ARHGEF3: variants seen among roughly 807,000 people sequenced by gnomAD.
The protein encoded by ARHGEF3 is 59.8 kDA protein.
In ARHGEF3, 28 loss-of-function variants were observed where a neutral mutation model predicts 63.2. The ratio of observed to expected loss-of-function variants is 0.44; its 90% CI spans 0.33 to 0.61. The LOEUF is 0.61. Among genes scored for constraint, ARHGEF3 ranks in the 20% least tolerant of loss-of-function variants. The pLI is 0.03. For synonymous variants in ARHGEF3, 266 were observed against 254.2 expected, an observed-to-expected ratio of 1.05 and a Z score of -0.44; for missense variants, 533 against 659.3, an observed-to-expected ratio of 0.81 and a Z score of 2.10.
At chr3:56,914,296 C>A (rs987664072) in intron 3 of ARHGEF3, among the ~76,000 whole-genome samples, 43 of 152,136 alleles carry the variant, frequency 2.8e-4, no homozygotes, top group African/African-American at 9.7e-4. Context: ...AAAGCAGGGT[C>A]TTAAGAGATA....
At chr3:56,971,076 G>A (rs539954748) in intron 2 of ARHGEF3, among the ~76,000 whole-genome samples, 12 of 152,254 alleles carry the variant, frequency 7.9e-5, no homozygotes, top group East Asian at 1.9e-4. Flanking sequence ...GTTTAGACTC[G>A]CTGCTGTCAC....
chr3:56,779,188 C>A (rs1002699569), intron 1 of ARHGEF3, among the ~76,000 whole-genome samples: 3 of 152,126 alleles, frequency 2.0e-5, no homozygotes, highest in Admixed American at 1.3e-4. Flanking sequence ...GTGAGTAAAC[C>A]CTATTTTATT....
chr3:56,788,761 C>G (rs956616698), intron 1 of ARHGEF3, among the ~76,000 whole-genome samples: 4 of 152,040 alleles, frequency 2.6e-5, no homozygotes, highest in Non-Finnish European at 5.9e-5. Context: ...CTACCCAGAG[C>G]TCACACACCA....
intron 2 of ARHGEF3, among the ~76,000 whole-genome samples, chr3:57,029,830 C>T (rs1353285628): frequency 6.6e-6 from 1 of 152,142 alleles, no homozygotes; most frequent in African/African-American, 2.4e-5. Context: ...GTTTGCAAAC[C>T]TCGGGCTCTT....
chr3:57,061,122 G>A (rs988996149), intron 1 of ARHGEF3, among the ~76,000 whole-genome samples: 3 of 151,926 alleles, frequency 2.0e-5, no homozygotes, highest in Non-Finnish European at 2.9e-5. Context: ...CCCATTCAGC[G>A]GTAACTCCTC....
At chr3:56,827,681 A>C (rs2038772411) in intron 4 of ARHGEF3, among the ~76,000 whole-genome samples, 1 of 146,374 alleles carries the variant, frequency 6.8e-6, no homozygotes, top group South Asian at 2.2e-4. Context: ...TTGGGAGGCC[A>C]AGGTGAGCAA....
chr3:56,942,102 A>G (rs1442426181), intron 3 of ARHGEF3, among the ~76,000 whole-genome samples: 21 of 152,256 alleles, frequency 1.4e-4, no homozygotes, highest in Admixed American at 3.9e-4. Context: ...CTTGCAAAGT[A>G]CTAGGAGCAG....
intron 7 of ARHGEF3, among the ~76,000 whole-genome samples, chr3:56,743,816 C>T (rs1045412859): frequency 6.6e-6 from 1 of 152,142 alleles, no homozygotes; most frequent in East Asian, 1.9e-4. Flanking sequence ...TCTATCCCCA[C>T]TGCCACCTCC....
At chr3:56,941,938 A>G (rs1560069084) in intron 3 of ARHGEF3, among the ~76,000 whole-genome samples, 1 of 152,222 alleles carries the variant, frequency 6.6e-6, no homozygotes, top group African/African-American at 2.4e-5. Flanking sequence ...TGTTGAGAAC[A>G]CAGGCTCTGA....
rs564284357 is a variant in ARHGEF3, at chr3:56,775,500, T to G, written c.97-1684A>C. The G allele has an allele frequency of 7.0e-6, 7 of 996,044 alleles. No individual in the cohort carries two copies. In the South Asian group the frequency reaches 2.6e-4, roughly 38 times the overall value. The allele number at this position is 996,044 out of a possible 1,614,324, so 61.7% of individuals were successfully genotyped here. On this transcript the variant is annotated intron_variant, in intron 1 of 9. Transcript: ENST00000296315. ...ATGCAACCAGGCTGCTGGGTACCTC[T>G]CCAGCTTCTTAGCGTGCTAAGCTGA...
chr3:56,859,306 T>C (rs2108180701), intron 4 of ARHGEF3, among the ~76,000 whole-genome samples: 1 of 150,594 alleles, frequency 6.6e-6, no homozygotes, highest in East Asian at 2.0e-4. Context: ...CTCGGCTAAT[T>C]TTTTGTATTT....
At position 56,982,685 on chromosome 3, in the gene ARHGEF3, G is replaced by A. The variant is rs117752322; in HGVS notation, c.63-23796C>T. Among the ~76,000 whole-genome samples the A allele has an allele frequency of 8.5e-4, 129 of 152,234 alleles. 2 individuals are homozygous for A. The East Asian group carries it at 0.013, about 16-fold the overall frequency. ...AACCATAAGTACCCAGTATACATCC[G>A]GTGAATGAATGAATGAATGAGGAAA... On this transcript the variant is annotated intron_variant, in intron 2 of 12. Transcript: ENST00000338458.
chr3:57,014,912 C>T (rs1366601062), intron 2 of ARHGEF3, among the ~76,000 whole-genome samples: 2 of 152,180 alleles, frequency 1.3e-5, no homozygotes, highest in African/African-American at 2.4e-5. Flanking sequence ...GTCTCGATCT[C>T]CTGACCTCGT....
intron 4 of ARHGEF3, among the ~76,000 whole-genome samples, chr3:56,881,917 G>A (rs994198091): frequency 1.1e-4 from 17 of 152,208 alleles, no homozygotes; most frequent in East Asian, 3.9e-4. Flanking sequence ...TGGGCCATCC[G>A]GCTGCCTGAG....
chr3:57,035,968 G>A (rs975776403), intron 1 of ARHGEF3, among the ~76,000 whole-genome samples: 3 of 152,208 alleles, frequency 2.0e-5, no homozygotes, highest in Non-Finnish European at 4.4e-5. Flanking sequence ...TTTATGGGTT[G>A]TGAACTGTCA....
At chr3:56,781,013 G>A (rs1290877445) in intron 1 of ARHGEF3, among the ~76,000 whole-genome samples, 2 of 152,192 alleles carry the variant, frequency 1.3e-5, no homozygotes, top group African/African-American at 4.8e-5. Context: ...AGTCACACTA[G>A]TTTAGAGTAG....
intron 1 of ARHGEF3, among the ~76,000 whole-genome samples, chr3:57,067,315 C>A (rs968644400): frequency 1.3e-5 from 2 of 151,644 alleles, no homozygotes; most frequent in South Asian, 4.2e-4. Flanking sequence ...ATTAGCCGGG[C>A]GTGGTGGCGG....
At chr3:56,774,856 C>G in intron 1 of ARHGEF3, 2 of 607,420 alleles carry the variant, frequency 3.3e-6, no homozygotes, top group Non-Finnish European at 5.0e-6. Context: ...TGCGCCACTG[C>G]ACTCCAGCCT....
At chr3:56,853,240 C>T (rs2039739482) in intron 4 of ARHGEF3, among the ~76,000 whole-genome samples, 2 of 150,724 alleles carry the variant, frequency 1.3e-5, no homozygotes, top group East Asian at 1.9e-4. Context: ...GCCAAAAGGT[C>T]GAGAGATTGT....
Sources: allele counts gnomAD v4.1 joint callset (sites outside exome capture counted in the v4.1 genomes callset), GRCh38; gene constraint gnomAD v4.1.1; transcripts MANE v1.5; gene names NCBI Gene and HGNC (gene_info 2026-07-23, HGNC 2026-07-21).